COMMD1: variants seen among roughly 807,000 people sequenced by gnomAD.
COMMD1 encodes COMM domain-containing protein 1.
In COMMD1, 10 loss-of-function variants were observed where a neutral mutation model predicts 17.2. The observed-to-expected ratio is 0.58, with a 90% confidence interval of 0.36 to 0.99. The LOEUF (loss-of-function observed/expected upper bound fraction) is 0.99. Among genes scored for constraint, COMMD1 ranks in the 50% least tolerant of loss-of-function variants. The pLI is 0.01. For missense variants in COMMD1, 270 were observed against 231.8 expected (o/e 1.17, Z -1.07); for synonymous variants, 97 against 91.6 (o/e 1.06, Z -0.34).
At chr2:62,050,835 T>G (rs780856866) in intron 2 of COMMD1, among the ~76,000 whole-genome samples, 3 of 152,186 alleles carry the variant, frequency 2.0e-5, no homozygotes, top group Non-Finnish European at 2.9e-5. Context: ...ACATGAACTT[T>G]TTTTTTCTTA....
rs547039466 is a variant in COMMD1 at position 62,062,096 on chromosome 2, A to G, written c.462+61114A>G. 1.1e-4 allele frequency among the ~76,000 whole-genome samples: 16 copies of G among 152,154 alleles called. No homozygotes were observed. In the South Asian group the frequency reaches 2.9e-3, roughly 28 times the overall value. ...TGACCTGGATTTGAATCCTGATCCT[A>G]CTGTTTGTAGCTGTATGATCTGGAC... On this transcript the variant is annotated intron_variant, in intron 2 of 2. Coordinates refer to ENST00000311832, the MANE Select transcript of COMMD1 (RefSeq NM_152516.4).
intron 2 of COMMD1, among the ~76,000 whole-genome samples, chr2:62,130,148 C>CT (rs1369819563): frequency 7.1e-6 from 1 of 140,092 alleles, no homozygotes; most frequent in Non-Finnish European, 1.5e-5. Context: ...GAGCGAGACT[C>CT]TGTCTCAAAA....
intron 2 of COMMD1, among the ~76,000 whole-genome samples, chr2:62,015,649 A>T (rs1232226181): frequency 1.3e-5 from 2 of 148,460 alleles, no homozygotes; most frequent in Non-Finnish European, 3.0e-5. Context: ...CAGTACATGA[A>T]GTTTCCAGTT....
chr2:61,933,857 G>A (rs904792497), intron 1 of COMMD1, among the ~76,000 whole-genome samples: 6 of 151,090 alleles, frequency 4.0e-5, no homozygotes, highest in Admixed American at 1.3e-4. Flanking sequence ...TCCACCTCCC[G>A]GGTTCAAGTG....
chr2:61,977,349 A>G (rs1295544432), intron 1 of COMMD1, among the ~76,000 whole-genome samples: 1 of 149,810 alleles, frequency 6.7e-6, no homozygotes, highest in Admixed American at 6.7e-5. Flanking sequence ...GGTTCAAGCA[A>G]TTCTCCTGCC....
chr2:62,086,291 C>T (rs1489902178), intron 2 of COMMD1, among the ~76,000 whole-genome samples: 1 of 152,136 alleles, frequency 6.6e-6, no homozygotes, highest in South Asian at 2.1e-4. Context: ...GGGCGGATCA[C>T]GAGGTCAGGA....
intron 2 of COMMD1, among the ~76,000 whole-genome samples, chr2:62,018,553 A>T (rs1399561950): frequency 6.6e-6 from 1 of 152,194 alleles, no homozygotes; most frequent in Non-Finnish European, 1.5e-5. Context: ...TTTAATGAGC[A>T]TTATGGTTAT....
At chr2:62,050,076 T>C (rs1228558179) in intron 2 of COMMD1, among the ~76,000 whole-genome samples, 5 of 152,176 alleles carry the variant, frequency 3.3e-5, no homozygotes, top group African/African-American at 1.2e-4. Context: ...GGCTTTAACA[T>C]GCAGATGAAA....
chr2:61,936,231 A>T (rs1056705877), intron 1 of COMMD1, among the ~76,000 whole-genome samples: 1 of 152,172 alleles, frequency 6.6e-6, no homozygotes, highest in African/African-American at 2.4e-5. Flanking sequence ...GTCCAGTGGT[A>T]TGATTTCAAA....
rs546548333 is a variant in COMMD1 at position 62,020,668 on chromosome 2, T to G, written c.462+19686T>G. On this transcript the variant is annotated intron_variant, in intron 2 of 2. Transcript: ENST00000311832. ...GATAAGCCATTCTCGTTCTTGAAAT[T>G]CCGCTGAGAGGCAATAGCTTTTAGC... Among the ~76,000 whole-genome samples the G allele has an allele frequency of 3.9e-5, 6 of 152,316 alleles. No homozygotes were observed. In the South Asian group the frequency reaches 1.2e-3, roughly 32 times the overall value.
chr2:61,951,018 G>A (rs560954625), intron 1 of COMMD1, among the ~76,000 whole-genome samples: 4 of 152,300 alleles, frequency 2.6e-5, no homozygotes, highest in South Asian at 2.1e-4. Context: ...GGCTTCAATT[G>A]GAAGGTGTAG....
chr2:61,924,567 G>A (rs972159481), intron 1 of COMMD1, among the ~76,000 whole-genome samples: 19 of 152,082 alleles, frequency 1.2e-4, no homozygotes, highest in South Asian at 8.3e-4. Flanking sequence ...GGTTTGGAGC[G>A]GGTGAGGAGA....
At chr2:61,980,935 GC>G (rs1671937490) in intron 1 of COMMD1, among the ~76,000 whole-genome samples, 1 of 152,064 alleles carries the variant, frequency 6.6e-6, no homozygotes, top group African/African-American at 2.4e-5. Flanking sequence ...ATGTATGTTT[GC>G]CTTTTTTATT....
At chr2:61,939,657 A>G (rs1331938834) in intron 1 of COMMD1, among the ~76,000 whole-genome samples, 2 of 152,196 alleles carry the variant, frequency 1.3e-5, no homozygotes, top group Admixed American at 6.5e-5. Context: ...TAAAATCACA[A>G]TTTGAATTTT....
intron 2 of COMMD1, among the ~76,000 whole-genome samples, chr2:62,065,461 CA>C (rs1158590181): frequency 6.9e-6 from 1 of 143,986 alleles, no homozygotes; most frequent in Non-Finnish European, 1.5e-5. Flanking sequence ...GTGGCTGGAA[CA>C]ACAGCCATGC....
At chr2:62,086,609 C>T (rs1671676164) in intron 2 of COMMD1, among the ~76,000 whole-genome samples, 1 of 152,054 alleles carries the variant, frequency 6.6e-6, no homozygotes, top group South Asian at 2.1e-4. Context: ...ATGATAATGG[C>T]CCCTCTCATC....
rs376378975 is a variant in COMMD1 at position 62,095,859 on chromosome 2, C to T, written c.463-39972C>T. Among the ~76,000 whole-genome samples, 9 of 98,866 alleles carry T rather than the reference C, an allele frequency of 9.1e-5. No individual in the cohort carries two copies. The East Asian group carries it at 2.1e-3, about 23-fold the overall frequency. 64.9% of individuals were successfully genotyped at this position (98,866 alleles called of 152,430 possible). A position where few individuals can be genotyped will look rare whatever the true frequency, so the allele number is the denominator to read the frequency against. On this transcript the variant is annotated intron_variant, in intron 2 of 2. Coordinates refer to ENST00000311832, the MANE Select transcript of COMMD1 (RefSeq NM_152516.4). Reference sequence around the variant, plus strand: ...TATATATACACACAGGTATATATAACCCTGTGTGTATATATACACATACAC... The same window carrying T: ...TATATATACACACAGGTATATATAATCCTGTGTGTATATATACACATACAC...
In COMMD1 at chr2:61,933,772, C is replaced by CTTTTTCT. The variant is rs1553369539; in HGVS notation, c.180+27919_180+27920insCTTTTTT. Among the ~76,000 whole-genome samples, 2 of 148,586 alleles carry CTTTTTCT rather than the reference C, an allele frequency of 1.3e-5. 1 individual carries two copies. Among genetic ancestry groups the CTTTTTCT allele is most frequent in the African/African-American group, 5.0e-5 (2 of 39,732 alleles). The stretch of plus-strand genomic sequence containing the variant: ...AAGCAACTTTTGTTTTTCTTTTTTT[C>CTTTTTCT]TTTTTTTTGAGATGGAGTTTCGCTC... On this transcript the variant is annotated intron_variant, in intron 1 of 2. Transcript: ENST00000311832.
At chr2:61,894,786 A>C (rs1669518848) in intron 1 of COMMD1, among the ~76,000 whole-genome samples, 1 of 151,352 alleles carries the variant, frequency 6.6e-6, no homozygotes, top group Admixed American at 6.6e-5. Flanking sequence ...TGCAACCTCC[A>C]CCTCCCAGGT....
Sources: gnomAD v4.1 joint callset for allele counts (sites outside exome capture counted in the v4.1 genomes callset) on GRCh38, gnomAD v4.1.1 for gene constraint, MANE v1.5 for transcripts, NCBI Gene and HGNC (gene_info 2026-07-23, HGNC 2026-07-21) for gene names.